PER3: variants seen among roughly 807,000 people sequenced by gnomAD.
PER3 encodes period circadian protein homolog 3.
In PER3, 107 loss-of-function variants were observed where a neutral mutation model predicts 127.2. That is an observed-to-expected ratio of 0.84 (90% confidence interval 0.72 to 0.99). PER3 has a LOEUF of 0.99. PER3 is among the 50% of genes least tolerant of loss of function. PER3 has a pLI of 0.00. For synonymous variants in PER3, 618 were observed against 585.8 expected, an observed-to-expected ratio of 1.05 and a Z score of -0.79; for missense variants, 1,560 against 1,525.8, an observed-to-expected ratio of 1.02 and a Z score of -0.37.
Position 7,826,726 on chromosome 1 carries a change from A to G in PER3, c.2188+16A>G. 7.1e-7 allele frequency: 1 copy of G among 1,413,394 alleles called. No homozygotes were observed. 87.6% of individuals were successfully genotyped at this position (1,413,394 alleles called of 1,614,324 possible). On this transcript the variant is annotated intron_variant, in intron 17 of 21. Coordinates refer to ENST00000377532, the MANE Select transcript of PER3 (RefSeq NM_001377275.1). The surrounding 1 kb of genome is among the most constrained non-coding windows in gnomAD (Gnocchi z 4.2). ...TATTTTCAAGGTACGTAATTTTTTA[A>G]AAATAAATGCCATTAATCTATGTAA...
At position 7,784,730 on chromosome 1, in the gene PER3, C is replaced by CCCCCTG; in HGVS notation, c.-147_-142dup. On this transcript the variant is annotated 5_prime_UTR_variant, in exon 2 of 22. Coordinates refer to ENST00000377532, the MANE Select transcript of PER3 (RefSeq NM_001377275.1). ...AAAAGCTCCTCGGAGATGAGCGTGA[C>CCCCCTG]CCCCTGGCTCGTGGTGGCCGCCTGT... 1.3e-6 allele frequency: 1 copy of CCCCCTG among 744,216 alleles called. No individual in the cohort carries two copies. Among genetic ancestry groups the CCCCCTG allele is most frequent in the East Asian group, 3.4e-5 (1 of 29,412 alleles). 46.1% of individuals were successfully genotyped at this position (744,216 alleles called of 1,614,324 possible). A position where few individuals can be genotyped will look rare whatever the true frequency, so the allele number is the denominator to read the frequency against.
At chr1:7,808,768 T>C in intron 10 of PER3, 125 bp from the exon 11 acceptor site, 1 of 652,530 alleles carries the variant, frequency 1.5e-6, no homozygotes, top group East Asian at 2.8e-5. Context: ...TAGCCTCATA[T>C]TTTTTCTTTG....
Position 7,827,432 on chromosome 1 carries a change from C to G in PER3, c.2503C>G (p.Leu835Val), listed in dbSNP as rs758835243. The change falls in exon 18 of 22, where the codon CTG becomes GTG. Residue 835 changes from leucine to valine, a missense_variant. Physicochemically the swap from Leu to Val is conservative, Grantham distance 32. This residue lies in a region of PER3 where 1,332 missense variants were observed against 1,223.6 expected (regional missense o/e 1.09). Transcript: ENST00000377532. Reference sequence around the variant, plus strand: ...AACTGCACCGGAAGGCCTGCATGGGCTGCCCTTGTCCGAGGGCTTGCAGCC... The same window carrying G: ...AACTGCACCGGAAGGCCTGCATGGGGTGCCCTTGTCCGAGGGCTTGCAGCC... ...PGTAPEGLHGLPLSEGLQPYP... is the reference protein window; with the variant it reads ...PGTAPEGLHGVPLSEGLQPYP... The G allele has an allele frequency of 3.1e-6, 5 of 1,614,132 alleles. No individual in the cohort carries two copies. Among genetic ancestry groups the G allele is most frequent in the Non-Finnish European group, 1.7e-6 (2 of 1,179,988 alleles).
chr1:7,810,074 C>G, intron 12 of PER3, 53 bp downstream of exon 12: 1 of 1,542,572 alleles, frequency 6.5e-7, no homozygotes, highest in Non-Finnish European at 8.9e-7. Flanking sequence ...TCTGTACTAC[C>G]TCGGTTCTGA....
At position 7,793,861 on chromosome 1, in the gene PER3, T is replaced by C. The variant is rs570385822; in HGVS notation, c.593-96T>C. The C allele has an allele frequency of 2.7e-5, 28 of 1,044,472 alleles. No homozygotes were observed. The South Asian group carries it at 3.4e-4, about 13-fold the overall frequency. The allele number at this position is 1,044,472 out of a possible 1,614,324, so 64.7% of individuals were successfully genotyped here. On this transcript the variant is annotated intron_variant, in intron 5 of 21. Coordinates refer to ENST00000377532, the MANE Select transcript of PER3 (RefSeq NM_001377275.1). ...TAATCAAGGAGACCTCTCTCTCTTT[T>C]AAAAAATAGTTTGTTGTTTGATAAT...
chr1:7,820,659 A>T lies in PER3; in HGVS notation c.1957+19A>T. On this transcript the variant is annotated intron_variant, in intron 16 of 21. Coordinates refer to ENST00000377532, the MANE Select transcript of PER3 (RefSeq NM_001377275.1). ...GAGACAGGTACCACACTCGCCTCTT[A>T]CTTTGAAAATATACTCAACTTTAAC... is the stretch of plus-strand genomic sequence containing the variant. The T allele has an allele frequency of 1.3e-6, 2 of 1,578,412 alleles. No individual in the cohort carries two copies. The highest frequency in any genetic ancestry group is 1.7e-6 in the Non-Finnish European group (2 of 1,159,682).
In PER3 at chr1:7,793,984, T is replaced by C; in HGVS notation, c.620T>C (p.Val207Ala). ...RAAARYECAP[V>A]KPFFCRIRGG... Reference sequence around the variant, plus strand: ...GCTGCACGGTATGAATGTGCTCCGGTGAAACCTTTTTTCTGCAGGATCCGG... The same window carrying C: ...GCTGCACGGTATGAATGTGCTCCGGCGAAACCTTTTTTCTGCAGGATCCGG... The change falls in exon 6 of 22, where the codon GTG becomes GCG. Residue 207 changes from valine to alanine, a missense_variant. Val to Ala is a moderately conservative substitution (Grantham distance 64). This residue lies in a region of PER3 where 1,332 missense variants were observed against 1,223.6 expected (regional missense o/e 1.09). Transcript: ENST00000377532. 1 of 1,614,002 alleles carries C rather than the reference T, an allele frequency of 6.2e-7. No individual in the cohort carries two copies. Among genetic ancestry groups the C allele is most frequent in the Non-Finnish European group, 8.5e-7 (1 of 1,179,886 alleles).
chr1:7,819,792 A>T (rs1470461126), intron 14 of PER3, among the ~76,000 whole-genome samples: 4 of 145,612 alleles, frequency 2.7e-5, no homozygotes, highest in African/African-American at 7.6e-5. Context: ...TTTTTGTGTG[A>T]TTTTTTTTTT....
chr1:7,837,011 T>A lies in PER3; in HGVS notation c.3411T>A (p.Val1137=). The change falls in exon 21 of 22, where the codon GTT becomes GTA. Residue 1137 remains valine, a synonymous_variant. Coordinates refer to ENST00000377532, the MANE Select transcript of PER3 (RefSeq NM_001377275.1). The part of the protein sequence containing the change: ...TYQVPERVKE[V]VLKEDLEKLE... ...TGTTTGTTTTCAGGGTTAAAGAAGT[T>A]GTACTAAAAGAAGACCTGGAAAAGC... 1 of 1,613,028 alleles carries A rather than the reference T, an allele frequency of 6.2e-7. No individual in the cohort carries two copies. Among genetic ancestry groups the A allele is most frequent in the Non-Finnish European group, 8.5e-7 (1 of 1,179,582 alleles).
intron 4 of PER3, chr1:7,787,593 T>G: frequency 3.1e-6 from 1 of 318,866 alleles, no homozygotes; most frequent in Non-Finnish European, 6.1e-6. Context: ...AAACTGCTGA[T>G]TATAAATAAG....
rs2097400582 is a variant in PER3 at position 7,843,601 on chromosome 1, T to A, written c.*846T>A. Reference sequence around the variant, plus strand: ...AGTATCATTCTTACATACTTCTGTGTTTAAATTTTCATTCTTACCAAAACA... The same window carrying A: ...AGTATCATTCTTACATACTTCTGTGATTAAATTTTCATTCTTACCAAAACA... On this transcript the variant is annotated 3_prime_UTR_variant, in exon 22 of 22. Transcript: ENST00000377532. 1 of 152,724 alleles carries A rather than the reference T, an allele frequency of 6.5e-6. No homozygotes were observed. The highest frequency in any genetic ancestry group is 6.5e-5 in the Admixed American group (1 of 15,288). 9.5% of individuals were successfully genotyped at this position (152,724 alleles called of 1,614,324 possible).
At chr1:7,788,368 C>G (rs1286430167) in intron 5 of PER3, 122 bp downstream of exon 5, 1 of 699,688 alleles carries the variant, frequency 1.4e-6, no homozygotes, top group African/African-American at 1.8e-5. Context: ...TTTCTTATTC[C>G]TGTTATAGAA....
rs1392353879 is a variant in PER3 at position 7,785,535 on chromosome 1, A to G, written c.223A>G (p.Ser75Gly). The G allele has an allele frequency of 5.6e-6, 9 of 1,613,358 alleles. No homozygotes were observed. Among genetic ancestry groups the G allele is most frequent in the South Asian group, 1.1e-5 (1 of 91,064 alleles). Residue 75 changes from serine (S) to glycine (G), a missense_variant, in exon 3 of 22, where the codon AGC (serine) becomes GGC (glycine). Around this residue, in one of 3 missense-constraint regions of PER3, gnomAD observed 1,332 missense variants for 1,223.6 expected, o/e 1.09. Coordinates refer to ENST00000377532, the MANE Select transcript of PER3 (RefSeq NM_001377275.1). Reference sequence around the variant, plus strand: ...CCCCTCGGAGAGACGCAATAAACCAAGCACTCTAGATGCCCTCAACTATGC... The same window carrying G: ...CCCCTCGGAGAGACGCAATAAACCAGGCACTCTAGATGCCCTCAACTATGC... ...YFPSERRNKP[S>G]TLDALNYALR...
chr1:7,785,623 C>G, intron 3 of PER3, 37 bp downstream of exon 3: 1 of 1,580,752 alleles, frequency 6.3e-7, no homozygotes, highest in Non-Finnish European at 8.7e-7. Context: ...CCTACGAATG[C>G]ACCAGGACTC....
chr1:7,799,557 C>G (rs2097160701), intron 7 of PER3, among the ~76,000 whole-genome samples: 1 of 147,474 alleles, frequency 6.8e-6, no homozygotes, highest in African/African-American at 2.5e-5. Flanking sequence ...TTGCGGTGAG[C>G]TGAGATCACA....
At chr1:7,840,109 G>A (rs1046475286) in intron 21 of PER3, among the ~76,000 whole-genome samples, 6 of 151,876 alleles carry the variant, frequency 4.0e-5, no homozygotes, top group African/African-American at 7.3e-5. Context: ...AGTTTCAATT[G>A]TCCGGTCTTC....
At position 7,845,050 on chromosome 1, in the gene PER3, C is replaced by T. The variant is rs562896002; in HGVS notation, c.*2295C>T. On this transcript the variant is annotated 3_prime_UTR_variant, in exon 22 of 22. Transcript: ENST00000377532. ...TGTAATTCACAGTGTAAATTTAATC[C>T]AAACTGAAATTTTGTTTCAACTGAA... 8 of 152,404 alleles carry T rather than the reference C, an allele frequency of 5.2e-5. No homozygotes were observed. The East Asian group carries it at 1.3e-3, about 25-fold the overall frequency. The allele number at this position is 152,404 out of a possible 1,614,324, so 9.4% of individuals were successfully genotyped here. A position where few individuals can be genotyped will look rare whatever the true frequency, so the allele number is the denominator to read the frequency against.
rs1345348595 is a variant in PER3 at position 7,798,583 on chromosome 1, C to G, written c.703C>G (p.Leu235Val). 1.2e-6 allele frequency: 2 copies of G among 1,613,004 alleles called. No homozygotes were observed. Among genetic ancestry groups the G allele is most frequent in the Non-Finnish European group, 1.7e-6 (2 of 1,179,074 alleles). Reference sequence around the variant, plus strand: ...CTCCCCATTCCGGATCATCCCCTATCTGATTCATGTACATCACCCTGCCCA... The same window carrying G: ...CTCCCCATTCCGGATCATCCCCTATGTGATTCATGTACATCACCCTGCCCA... The part of the protein sequence containing the change: ...CHSPFRIIPY[L>V]IHVHHPAQPE... Residue 235 changes from leucine to valine, a missense_variant, in exon 7 of 22, where the codon CTG becomes GTG. Around this residue, in one of 3 missense-constraint regions of PER3, gnomAD observed 1,332 missense variants for 1,223.6 expected, o/e 1.09. Coordinates refer to ENST00000377532, the MANE Select transcript of PER3 (RefSeq NM_001377275.1).
intron 16 of PER3, among the ~76,000 whole-genome samples, chr1:7,823,197 T>C (rs2097285582): frequency 1.3e-5 from 2 of 152,224 alleles, no homozygotes; most frequent in Non-Finnish European, 2.9e-5. Flanking sequence ...TGGAAAAAGA[T>C]GCACAAGTGA....
Sources: allele counts gnomAD v4.1 joint callset (sites outside exome capture counted in the v4.1 genomes callset), GRCh38; gene constraint gnomAD v4.1.1; regional missense constraint gnomAD v4.1.1; non-coding constraint Gnocchi (gnomAD v3.1); transcripts MANE v1.5; gene names NCBI Gene and HGNC (gene_info 2026-07-23, HGNC 2026-07-21).